The following WDR19 variants were observed in gnomAD, a reference collection of about 807,000 sequenced individuals.
WDR19 encodes the protein WD repeat-containing protein 19.
Under a neutral mutation model 180.0 loss-of-function variants are expected in WDR19, and 121 were observed. The observed-to-expected ratio is 0.67, with a 90% CI of 0.58 to 0.78. The LOEUF (loss-of-function observed/expected upper bound fraction) is 0.78, where lower values mean the gene tolerates loss of function less well. WDR19 is among the 30% of genes least tolerant of loss of function. WDR19 has a pLI of 0.00. For missense variants in WDR19, 1,450 were observed against 1,640.7 expected (o/e 0.88, Z 2.01); for synonymous variants, 497 against 540.7 (o/e 0.92, Z 1.12).
intron 36 of WDR19, among the ~76,000 whole-genome samples, chr4:39,285,198 G>A (rs961089454): frequency 2.6e-5 from 4 of 151,646 alleles, no homozygotes; most frequent in African/African-American, 9.7e-5. Context: ...TCTACAAATT[G>A]CTGAGCACTT....
In WDR19 at chr4:39,283,770, G is replaced by A. The variant is rs115727006; in HGVS notation, c.*14-1717G>A. 8.3e-3 allele frequency among the ~76,000 whole-genome samples: 1,257 copies of A among 152,196 alleles called. 10 individuals carry two copies. Among genetic ancestry groups the A allele is most frequent in the African/African-American group, 0.028 (1,180 of 41,532 alleles). ...CCATGTTATTCTTGCCTGAATCCAA[G>A]TTTCCATATGGTATTATTTCCTTTC... On this transcript the variant is annotated intron_variant, in intron 36 of 36. Coordinates refer to ENST00000399820, the MANE Select transcript of WDR19 (RefSeq NM_025132.4).
Position 39,253,213 on chromosome 4 carries a change from G to A in WDR19, c.2797G>A (p.Asp933Asn), listed in dbSNP as rs1336488796. Reference protein sequence around the residue: ...QWQSVIRIYLDHLNNPEKAVN... With the variant: ...QWQSVIRIYLNHLNNPEKAVN... ...GCAAAGTGTAATCCGCATCTATCTG[G>A]ATCACCTCAATAATCCTGAAAAAGC... The change falls in exon 25 of 37, where the codon GAT becomes AAT. Residue 933 changes from aspartate (D) to asparagine (N), a missense_variant. Asp to Asn is a conservative substitution (Grantham distance 23). Coordinates refer to ENST00000399820, the MANE Select transcript of WDR19 (RefSeq NM_025132.4). 1 of 1,613,526 alleles carries A rather than the reference G, an allele frequency of 6.2e-7. No individual in the cohort carries two copies. The highest frequency in any genetic ancestry group is 1.1e-5 in the South Asian group (1 of 91,012).
At chr4:39,186,032 G>C (rs900030428) in intron 2 of WDR19, among the ~76,000 whole-genome samples, 7 of 151,932 alleles carry the variant, frequency 4.6e-5, no homozygotes, top group Admixed American at 3.9e-4. Context: ...TTGTCTAACA[G>C]TTATATGACA....
At chr4:39,229,708 T>A (rs1314532863) in intron 17 of WDR19, among the ~76,000 whole-genome samples, 1 of 152,186 alleles carries the variant, frequency 6.6e-6, no homozygotes, top group Admixed American at 6.5e-5. Context: ...TCTCCTCTGC[T>A]TAACATGGCT....
At chr4:39,284,412 C>T (rs966042314) in intron 36 of WDR19, among the ~76,000 whole-genome samples, 1 of 137,458 alleles carries the variant, frequency 7.3e-6, no homozygotes, top group African/African-American at 2.6e-5. Context: ...AATCATCGTT[C>T]ACTGCAGCCT....
At chr4:39,242,037 G>C (rs907935986) in intron 21 of WDR19, among the ~76,000 whole-genome samples, 54 of 150,968 alleles carry the variant, frequency 3.6e-4, no homozygotes, top group African/African-American at 1.3e-3. Flanking sequence ...TTTCTTCATG[G>C]CCTTTCCAAG....
chr4:39,198,520 C>T (rs1337343980), intron 5 of WDR19, among the ~76,000 whole-genome samples: 6 of 151,450 alleles, frequency 4.0e-5, no homozygotes, highest in Admixed American at 6.6e-5. Flanking sequence ...AAGATCGCGC[C>T]GCTGCACTCC....
At chr4:39,285,290 A>G (rs1168602485) in intron 36 of WDR19, among the ~76,000 whole-genome samples, 197 bp from the exon 37 acceptor site, 2 of 152,280 alleles carry the variant, frequency 1.3e-5, no homozygotes. Context: ...TACCCACACA[A>G]TTTTAGTCAG....
intron 24 of WDR19, among the ~76,000 whole-genome samples, chr4:39,249,146 C>T (rs1219632941): frequency 6.6e-6 from 1 of 151,806 alleles, no homozygotes; most frequent in African/African-American, 2.4e-5. Context: ...CAAACTGTCT[C>T]TCAGACCACA....
intron 4 of WDR19, 139 bp from the exon 5 acceptor site, chr4:39,194,404 CT>C: frequency 1.9e-6 from 1 of 524,256 alleles, no homozygotes; most frequent in Non-Finnish European, 3.3e-6. Flanking sequence ...AGCATTTAGT[CT>C]TTGTCCTAAA....
chr4:39,248,650 G>A (rs1732795915), intron 24 of WDR19, among the ~76,000 whole-genome samples: 1 of 152,104 alleles, frequency 6.6e-6, no homozygotes, highest in African/African-American at 2.4e-5. Flanking sequence ...ATAAAGGGAT[G>A]GAGGAAGATC....
chr4:39,275,061 C>T, intron 33 of WDR19, 103 bp downstream of exon 33: 1 of 1,412,596 alleles, frequency 7.1e-7, no homozygotes, highest in Non-Finnish European at 9.7e-7. Context: ...GGTGGGGGGC[C>T]AGGTGCAGTG....
At chr4:39,211,958 AG>A (rs1728568906) in intron 9 of WDR19, among the ~76,000 whole-genome samples, 1 of 145,802 alleles carries the variant, frequency 6.9e-6, no homozygotes, top group South Asian at 2.1e-4. Context: ...AGAGAGAGAG[AG>A]AGAGAGAGAG....
Position 39,277,038 on chromosome 4 carries a change from G to A in WDR19, c.3735G>A (p.Glu1245=). 1 of 1,613,802 alleles carries A rather than the reference G, an allele frequency of 6.2e-7. No individual in the cohort carries two copies. Among genetic ancestry groups the A allele is most frequent in the Non-Finnish European group, 8.5e-7 (1 of 1,179,834 alleles). Residue 1245 remains glutamate (E), a synonymous_variant, in exon 34 of 37, where the codon GAG becomes GAA. Coordinates refer to ENST00000399820, the MANE Select transcript of WDR19 (RefSeq NM_025132.4). ...CTCACAGGAGACCCGATATATCTGA[G>A]ATAGAAGAGGCCACGACTCCATGTC... The part of the protein sequence containing the change: ...EGMVRRPDIS[E]IEEATTPCPF...
rs545547031 is a variant in WDR19 at position 39,234,844 on chromosome 4, T to A, written c.2332T>A (p.Ser778Thr). Residue 778 changes from serine (S) to threonine (T), a missense_variant, in exon 20 of 37, where the codon TCA becomes ACA. By Grantham distance (58) the Ser-to-Thr change is moderately conservative. Coordinates refer to ENST00000399820, the MANE Select transcript of WDR19 (RefSeq NM_025132.4). ...GGCCCCAGACCAGATACCTTTTATATCAAAAGAATATGCTATTCAGCTTGA... is the reference window on the plus strand; with the variant it reads ...GGCCCCAGACCAGATACCTTTTATAACAAAAGAATATGCTATTCAGCTTGA... ...HLAPDQIPFISKEYAIQLEFA... is the reference protein window; with the variant it reads ...HLAPDQIPFITKEYAIQLEFA... The A allele has an allele frequency of 3.2e-6, 5 of 1,572,184 alleles. No individual in the cohort carries two copies. Among genetic ancestry groups the A allele is most frequent in the Admixed American group, 3.7e-5 (2 of 53,834 alleles).
intron 29 of WDR19, 126 bp downstream of exon 29, chr4:39,266,266 C>A: frequency 2.8e-6 from 2 of 705,378 alleles, no homozygotes; most frequent in South Asian, 2.9e-5. Context: ...TAGTGTAGAT[C>A]ATCTAGACCA....
chr4:39,214,567 A>T, intron 9 of WDR19, 34 bp from the exon 10 acceptor site: 1 of 1,253,248 alleles, frequency 8.0e-7, no homozygotes, highest in Non-Finnish European at 1.1e-6. Flanking sequence ...TAAAGATCAT[A>T]TATATTTTTT....
chr4:39,224,925 C>A lies in WDR19; in HGVS notation c.1521C>A (p.Phe507Leu), dbSNP rs752569879. 1.9e-6 allele frequency: 3 copies of A among 1,569,246 alleles called. No individual in the cohort carries two copies. The South Asian group carries it at 3.5e-5, about 19-fold the overall frequency. Residue 507 changes from phenylalanine (F) to leucine (L), a missense_variant, in exon 15 of 37, where the codon TTC becomes TTA. By Grantham distance (22) the Phe-to-Leu change is conservative. Transcript: ENST00000399820. ...VQYFYIEDWQ[F>L]VNDYRHPVSV... ...ATTTCTACATTGAAGACTGGCAATT[C>A]GTTAATGATTATCGACATCCTGTCA...
At chr4:39,245,347 T>C (rs1181016937) in intron 23 of WDR19, 22 bp from the exon 24 acceptor site, 2 of 1,605,108 alleles carry the variant, frequency 1.2e-6, no homozygotes, top group East Asian at 4.5e-5. Context: ...CTCATACTGT[T>C]CTCCTGGACC....
Sources: gnomAD v4.1 joint callset for allele counts (sites outside exome capture counted in the v4.1 genomes callset) on GRCh38, gnomAD v4.1.1 for gene constraint, MANE v1.5 for transcripts, NCBI Gene and HGNC (gene_info 2026-07-23, HGNC 2026-07-21) for gene names.